GRIP1: variants seen among roughly 807,000 people sequenced by gnomAD.
GRIP1 encodes glutamate receptor interacting protein 1.
In GRIP1, 45 loss-of-function variants were observed where a neutral mutation model predicts 129.9. The ratio of observed to expected loss-of-function variants is 0.35; its 90% CI spans 0.27 to 0.44. The LOEUF is 0.44. Ranked by LOEUF, GRIP1 falls within the 20% of genes least tolerant of loss-of-function variation. The pLI is 1.00. For synonymous variants in GRIP1, 530 were observed against 520.8 expected, an observed-to-expected ratio of 1.02 and a Z score of -0.24; for missense variants, 1,196 against 1,396.8, an observed-to-expected ratio of 0.86 and a Z score of 2.29.
intron 1 of GRIP1, among the ~76,000 whole-genome samples, chr12:66,870,864 C>T (rs541925172): frequency 6.6e-6 from 1 of 152,086 alleles, no homozygotes; most frequent in African/African-American, 2.4e-5. Context: ...GTCTCCCTGC[C>T]ACATTGCTTT....
chr12:66,515,708 A>G lies in GRIP1; in HGVS notation c.635T>C (p.Leu212Pro). The G allele has an allele frequency of 1.2e-6, 2 of 1,613,694 alleles. No individual in the cohort carries two copies. Among genetic ancestry groups the G allele is most frequent in the Non-Finnish European group, 1.7e-6 (2 of 1,179,618 alleles). Residue 212 changes from leucine to proline, a missense_variant, in exon 7 of 25, where the codon CTT becomes CCT. Leu to Pro is a moderately conservative substitution (Grantham distance 98). Transcript: ENST00000359742. The part of the protein sequence containing the change: ...RLLSVDGIRL[L>P]GTTHAEAMSI... Reference sequence around the variant, plus strand: ...CATGGCTTCAGCATGCGTAGTTCCAAGAAGCCGAATTCCATCCACACTGAG... The same window carrying G: ...CATGGCTTCAGCATGCGTAGTTCCAGGAAGCCGAATTCCATCCACACTGAG...
At chr12:66,749,000 A>G (rs1044252568) in intron 1 of GRIP1, among the ~76,000 whole-genome samples, 1 of 152,204 alleles carries the variant, frequency 6.6e-6, no homozygotes. Context: ...GATAATGCAC[A>G]GCAGACACTT....
At chr12:66,622,443 C>CA (rs2065315292) in intron 1 of GRIP1, among the ~76,000 whole-genome samples, 1 of 151,578 alleles carries the variant, frequency 6.6e-6, no homozygotes, top group Admixed American at 6.6e-5. Context: ...GTTTGCAACA[C>CA]AAAAAAAGAT....
At chr12:66,788,511 C>T (rs769542836) in intron 1 of GRIP1, among the ~76,000 whole-genome samples, 20 of 151,758 alleles carry the variant, frequency 1.3e-4, no homozygotes, top group South Asian at 8.4e-4. Context: ...TTCTAATGAA[C>T]AGAAGGCTAC....
At chr12:66,601,814 G>C (rs2064290653) in intron 1 of GRIP1, among the ~76,000 whole-genome samples, 1 of 152,152 alleles carries the variant, frequency 6.6e-6, no homozygotes, top group South Asian at 2.1e-4. Flanking sequence ...AATCCGCTGT[G>C]GATGAAACAA....
chr12:66,564,334 T>C (rs770694850), intron 2 of GRIP1, among the ~76,000 whole-genome samples: 18 of 142,418 alleles, frequency 1.3e-4, no homozygotes, highest in Non-Finnish European at 1.2e-4. Flanking sequence ...TGTCCCAGTG[T>C]TCTCATTGTT....
At chr12:66,765,459 A>G (rs1413124197) in intron 1 of GRIP1, among the ~76,000 whole-genome samples, 1 of 152,216 alleles carries the variant, frequency 6.6e-6, no homozygotes, top group Non-Finnish European at 1.5e-5. Context: ...TGCAAGTGAA[A>G]CAGGAAATGT....
intron 1 of GRIP1, among the ~76,000 whole-genome samples, chr12:66,620,616 G>A (rs948178012): frequency 6.6e-6 from 1 of 152,152 alleles, no homozygotes; most frequent in Non-Finnish European, 1.5e-5. Context: ...ATAGCTCTCT[G>A]AGGATACTGT....
intron 1 of GRIP1, among the ~76,000 whole-genome samples, chr12:66,712,865 T>C (rs1467919733): frequency 1.3e-5 from 2 of 152,176 alleles, no homozygotes; most frequent in South Asian, 2.1e-4. Context: ...TAATGAGTTT[T>C]GCTTGCGTGT....
chr12:66,389,276 T>C (rs895946849), intron 19 of GRIP1, among the ~76,000 whole-genome samples: 2 of 152,250 alleles, frequency 1.3e-5, no homozygotes, highest in Non-Finnish European at 2.9e-5. Flanking sequence ...TTGCCCAGGC[T>C]GGAGTGCAGT....
rs1157146076 is a variant in GRIP1, at chr12:66,817,088, T to TG, written c.59-220162_59-220161insC. ...CCAAGTCAAACAAAATTAAGCCTGT[T>TG]TTTCAACTGTAAGACTTCTAAGTGC... On this transcript the variant is annotated intron_variant, in intron 1 of 1. Coordinates refer to the GRIP1 transcript ENST00000643019. Among the ~76,000 whole-genome samples the TG allele has an allele frequency of 3.3e-5, 5 of 152,132 alleles. 1 individual carries two copies. Among genetic ancestry groups the TG allele is most frequent in the Admixed American group, 3.3e-4 (5 of 15,244 alleles).
chr12:66,933,568 G>T (rs1488543241), intron 1 of GRIP1, among the ~76,000 whole-genome samples: 1 of 151,746 alleles, frequency 6.6e-6, no homozygotes, highest in African/African-American at 2.4e-5. Flanking sequence ...TTAATTGAGG[G>T]GCTACTATAT....
intron 24 of GRIP1, among the ~76,000 whole-genome samples, chr12:66,350,260 G>A (rs1425052481): frequency 6.6e-6 from 1 of 152,096 alleles, no homozygotes; most frequent in Non-Finnish European, 1.5e-5. Context: ...TACTTTGGGA[G>A]GCTGAGGTGG....
chr12:66,715,471 T>TGTGTGTGTGTGTGTGAGAGAGA (rs761155485), intron 1 of GRIP1, among the ~76,000 whole-genome samples: 36 of 110,110 alleles, frequency 3.3e-4, no homozygotes, highest in African/African-American at 8.8e-4. Context: ...TGTGTGTGTG[T>TGTGTGTGTGTGTGTGAGAGAGA]GAGAGAGAGA....
chr12:67,012,705 C>T (rs1259477126), intron 1 of GRIP1, among the ~76,000 whole-genome samples: 1 of 152,150 alleles, frequency 6.6e-6, no homozygotes, highest in Non-Finnish European at 1.5e-5. Flanking sequence ...CCAGCTAGAG[C>T]TGTGAATTGT....
chr12:66,723,829 G>T (rs2036171574), intron 1 of GRIP1, among the ~76,000 whole-genome samples: 1 of 152,178 alleles, frequency 6.6e-6, no homozygotes, highest in African/African-American at 2.4e-5. Context: ...ATAACTACCA[G>T]ATTTGGGGAT....
chr12:66,765,473 A>G (rs1303558633), intron 1 of GRIP1, among the ~76,000 whole-genome samples: 1 of 152,192 alleles, frequency 6.6e-6, no homozygotes, highest in Non-Finnish European at 1.5e-5. Flanking sequence ...GAAATGTCAT[A>G]GTTTTTTTAA....
intron 7 of GRIP1, among the ~76,000 whole-genome samples, chr12:66,493,121 C>T (rs780869857): frequency 1.3e-5 from 2 of 152,212 alleles, no homozygotes; most frequent in African/African-American, 2.4e-5. Context: ...CTTACACATA[C>T]ATCATGCCAT....
chr12:66,562,039 T>C (rs12231299), intron 2 of GRIP1, among the ~76,000 whole-genome samples: 2 of 151,706 alleles, frequency 1.3e-5, no homozygotes, highest in South Asian at 2.1e-4. Flanking sequence ...GCCTGGGAGG[T>C]TGAGGCTGCA....
Sources: gnomAD v4.1 joint callset for allele counts (sites outside exome capture counted in the v4.1 genomes callset) on GRCh38, gnomAD v4.1.1 for gene constraint, MANE v1.5 for transcripts, NCBI Gene and HGNC (gene_info 2026-07-23, HGNC 2026-07-21) for gene names.